The following PCDHGA1 variants were observed in gnomAD, a reference collection of about 807,000 sequenced individuals.
The protein encoded by PCDHGA1 is protocadherin gamma-A1.
In PCDHGA1, 32 loss-of-function variants were observed where a neutral mutation model predicts 58.0. The ratio of observed to expected loss-of-function variants is 0.55; its 90% CI spans 0.42 to 0.74. The LOEUF is 0.74. Among genes scored for constraint, PCDHGA1 ranks in the 30% least tolerant of loss-of-function variants. PCDHGA1 has a pLI of 0.00. For synonymous variants in PCDHGA1, 498 were observed against 501.1 expected, an observed-to-expected ratio of 0.99 and a Z score of 0.08; for missense variants, 1,205 against 1,182.3, an observed-to-expected ratio of 1.02 and a Z score of -0.28.
intron 1 of PCDHGA1, chr5:141,339,693 T>C: frequency 6.2e-7 from 1 of 1,614,134 alleles, no homozygotes; most frequent in Non-Finnish European, 8.5e-7. Flanking sequence ...AATGCGCCTG[T>C]TTTTACACAG....
In PCDHGA1 at chr5:141,404,506, C is replaced by T. The variant is rs530963064; in HGVS notation, c.2421+71401C>T. The stretch of plus-strand genomic sequence containing the variant: ...ACACTGGTGTGCTGTATGCTCTGTG[C>T]TCCTTTGACTATGAGCAGTTTAGAG... On this transcript the variant is annotated intron_variant, in intron 1 of 3. Coordinates refer to ENST00000517417, the MANE Select transcript of PCDHGA1 (RefSeq NM_018912.3). 540 of 1,613,932 alleles carry T rather than the reference C, an allele frequency of 3.3e-4. 6 individuals are homozygous for T. In the South Asian group the frequency reaches 5.6e-3, roughly 17 times the overall value.
chr5:141,444,240 C>A (rs1017550385), intron 1 of PCDHGA1, among the ~76,000 whole-genome samples: 1 of 128,688 alleles, frequency 7.8e-6, no homozygotes, highest in Admixed American at 9.7e-5. Flanking sequence ...GGCATGCTCT[C>A]GGCTCACTGC....
At position 141,410,457 on chromosome 5, in the gene PCDHGA1, A is replaced by G. The variant is rs372920524; in HGVS notation, c.2421+77352A>G. 1.2e-6 allele frequency: 2 copies of G among 1,614,044 alleles called. No homozygotes were observed. ...AGTGAGGGGACTTTGCCTTATTCTTATAATCTGTGCATTGCACATACGGGT... is the reference window on the plus strand; with the variant it reads ...AGTGAGGGGACTTTGCCTTATTCTTGTAATCTGTGCATTGCACATACGGGT... On this transcript the variant is annotated intron_variant, in intron 1 of 3. Transcript: ENST00000517417.
intron 1 of PCDHGA1, chr5:141,342,059 T>A (rs1488472672): frequency 6.6e-6 from 1 of 152,610 alleles, no homozygotes; most frequent in Non-Finnish European, 1.5e-5. Flanking sequence ...AGTGACTGAC[T>A]TATCATCTGC....
intron 1 of PCDHGA1, among the ~76,000 whole-genome samples, chr5:141,363,511 A>T (rs1323894017): frequency 6.6e-6 from 1 of 152,256 alleles, no homozygotes; most frequent in Non-Finnish European, 1.5e-5. Flanking sequence ...CATCCTCCAC[A>T]GTTACTATAC....
chr5:141,413,832 C>T, intron 1 of PCDHGA1: 1 of 1,613,228 alleles, frequency 6.2e-7, no homozygotes. Context: ...TCACCGCCTC[C>T]GACGGGGGTG....
intron 1 of PCDHGA1, among the ~76,000 whole-genome samples, chr5:141,456,935 C>T (rs894385178): frequency 5.9e-5 from 9 of 152,178 alleles, no homozygotes; most frequent in African/African-American, 2.2e-4. Context: ...TGCACTCCAG[C>T]CTGGGCAACA....
intron 1 of PCDHGA1, chr5:141,352,348 A>G (rs776268889): frequency 1.2e-6 from 2 of 1,613,802 alleles, no homozygotes; most frequent in Admixed American, 3.3e-5. Flanking sequence ...CCTTGATCTC[A>G]GTGCTCTTTC....
Position 141,364,261 on chromosome 5 carries a change from T to C in PCDHGA1, c.2421+31156T>C. On this transcript the variant is annotated intron_variant, in intron 1 of 3. Coordinates refer to ENST00000517417, the MANE Select transcript of PCDHGA1 (RefSeq NM_018912.3). ...ATTTTCGTCAGGGAATATGTACCCA[T>C]CGGCTTTAGATAAATAAGGAAACAG... The C allele has an allele frequency of 5.3e-6, 8 of 1,504,792 alleles. No individual in the cohort carries two copies. The South Asian group carries it at 1.1e-4, about 21-fold the overall frequency. The allele number at this position is 1,504,792 out of a possible 1,614,324, so 93.2% of individuals were successfully genotyped here. A position where few individuals can be genotyped will look rare whatever the true frequency, so the allele number is the denominator to read the frequency against.
chr5:141,421,348 G>C lies in PCDHGA1; in HGVS notation c.2422-73459G>C, dbSNP rs202220769. On this transcript the variant is annotated intron_variant, in intron 1 of 3. Coordinates refer to ENST00000517417, the MANE Select transcript of PCDHGA1 (RefSeq NM_018912.3). ...CCGATATTCGGTGCCAGAAGAGACC[G>C]AAAAGGGCTCCTTCGTGGGCAATAT... 9.1e-5 allele frequency: 147 copies of C among 1,613,862 alleles called. No individual in the cohort carries two copies. Among genetic ancestry groups the C allele is most frequent in the Non-Finnish European group, 1.1e-4 (125 of 1,179,904 alleles).
intron 1 of PCDHGA1, chr5:141,384,315 C>G (rs1465826601): frequency 6.2e-7 from 1 of 1,613,878 alleles, no homozygotes; most frequent in Non-Finnish European, 8.5e-7. Flanking sequence ...CCTCCATTTT[C>G]TTAGTGACTG....
At chr5:141,368,053 G>T (rs903322143) in intron 1 of PCDHGA1, among the ~76,000 whole-genome samples, 8 of 152,166 alleles carry the variant, frequency 5.3e-5, no homozygotes, top group Non-Finnish European at 1.2e-4. Flanking sequence ...TGTAATGAAA[G>T]AACTACTATA....
chr5:141,466,496 GCA>G (rs2099123596), intron 1 of PCDHGA1, among the ~76,000 whole-genome samples: 1 of 152,120 alleles, frequency 6.6e-6, no homozygotes. Context: ...TTTAATTAGA[GCA>G]CAGACAAGAT....
At chr5:141,338,683 T>C (rs976905529) in intron 1 of PCDHGA1, 6 of 422,610 alleles carry the variant, frequency 1.4e-5, no homozygotes, top group South Asian at 9.5e-5. Flanking sequence ...TAGGTTTTCC[T>C]GAGCAGGTGC....
Position 141,490,397 on chromosome 5 carries a change from G to A in PCDHGA1, c.2422-4410G>A. 6.2e-7 allele frequency: 1 copy of A among 1,614,170 alleles called. No individual in the cohort carries two copies. Among genetic ancestry groups the A allele is most frequent in the South Asian group, 1.1e-5 (1 of 91,080 alleles). On this transcript the variant is annotated intron_variant, in intron 1 of 3. Coordinates refer to ENST00000517417, the MANE Select transcript of PCDHGA1 (RefSeq NM_018912.3). This position sits in a 1 kb window ranked among gnomAD's most constrained non-coding sequence, Gnocchi z 5.4. ...GACTCAGGTAGAAATGGTGAAGTGA[G>A]CCTTGATATCTCTCCGGACCTGCCA...
intron 1 of PCDHGA1, chr5:141,409,138 A>G (rs2095229593): frequency 1.2e-6 from 2 of 1,614,046 alleles, no homozygotes; most frequent in Non-Finnish European, 1.7e-6. Flanking sequence ...TTGAAGATGT[A>G]GAAAGGTACA....
intron 1 of PCDHGA1, among the ~76,000 whole-genome samples, chr5:141,420,727 G>C (rs1454487477): frequency 2.0e-5 from 3 of 152,180 alleles, no homozygotes; most frequent in African/African-American, 7.2e-5. Flanking sequence ...CTTTCAGTCG[G>C]TTAAAATCAA....
At position 141,477,415 on chromosome 5, in the gene PCDHGA1, A is replaced by T. The variant is rs771293212; in HGVS notation, c.2422-17392A>T. On this transcript the variant is annotated intron_variant, in intron 1 of 3. Coordinates refer to ENST00000517417, the MANE Select transcript of PCDHGA1 (RefSeq NM_018912.3). This position sits in a 1 kb window ranked among gnomAD's most constrained non-coding sequence, Gnocchi z 4.9. ...TCAGCATCACCGCCCGAGACGCCGG[A>T]ACCCCTTCCCTCTCAGCCCTTACAA... 12 of 1,614,162 alleles carry T rather than the reference A, an allele frequency of 7.4e-6. No individual in the cohort carries two copies. The highest frequency in any genetic ancestry group is 1.0e-5 in the Non-Finnish European group (12 of 1,180,020).
intron 1 of PCDHGA1, among the ~76,000 whole-genome samples, chr5:141,358,427 A>G (rs1311834946): frequency 1.3e-5 from 2 of 152,186 alleles, no homozygotes; most frequent in Admixed American, 6.5e-5. Flanking sequence ...GGTATTTTCC[A>G]TTATAACAGG....
Sources: allele counts gnomAD v4.1 joint callset (sites outside exome capture counted in the v4.1 genomes callset), GRCh38; gene constraint gnomAD v4.1.1; non-coding constraint Gnocchi (gnomAD v3.1); transcripts MANE v1.5; gene names NCBI Gene and HGNC (gene_info 2026-07-23, HGNC 2026-07-21).